The following F11R variants were observed in gnomAD, a reference collection of about 807,000 sequenced individuals.
F11R encodes the protein F11 receptor.
In F11R, 27 loss-of-function variants were observed where a neutral mutation model predicts 39.3. That is an observed-to-expected ratio of 0.69 (90% CI 0.51 to 0.95). The LOEUF is 0.95. F11R is among the 40% of genes least tolerant of loss of function. The pLI, the probability that F11R is intolerant of heterozygous loss-of-function variation, is 0.00. For missense variants in F11R, 335 were observed against 372.7 expected (o/e 0.90, Z 0.83); for synonymous variants, 131 against 144.9 (o/e 0.90, Z 0.69).
rs1039225250 is a variant in F11R at position 161,005,890 on chromosome 1, G to A, written c.65-4537C>T. On this transcript the variant is annotated intron_variant, in intron 1 of 9. Transcript: ENST00000368026. ...GGCAGCTCAACAGCCTGTAATCCCA[G>A]CACTTTGGGAGGCTGAGGCGGGCAG... Among the ~76,000 whole-genome samples the A allele has an allele frequency of 2.0e-5, 3 of 152,150 alleles. No individual in the cohort carries two copies. In the South Asian group the frequency reaches 6.2e-4, roughly 32 times the overall value.
chr1:160,999,505 TG>T lies in F11R; in HGVS notation c.803-98del. On this transcript the variant is annotated intron_variant, in intron 7 of 9. Transcript: ENST00000368026. ...CAGGCCCCCAGCTCTTGGTGTTAGA[TG>T]GGTGATCAGTGTTCCCCAGGGGACA... 3 of 1,574,314 alleles carry T rather than the reference TG, an allele frequency of 1.9e-6. No homozygotes were observed. The East Asian group carries it at 6.7e-5, about 35-fold the overall frequency.
chr1:161,002,940 T>C (rs1015439188), intron 1 of F11R, among the ~76,000 whole-genome samples: 20 of 148,794 alleles, frequency 1.3e-4, no homozygotes, highest in African/African-American at 4.5e-4. Flanking sequence ...TCTCTTATTA[T>C]ACTCTCTATT....
chr1:160,999,481 A>T, intron 7 of F11R, 73 bp from the exon 8 acceptor site: 1 of 1,602,684 alleles, frequency 6.2e-7, no homozygotes, highest in Non-Finnish European at 8.5e-7. Context: ...ATGGAGGGGC[A>T]GGCCCCCAGC....
intron 1 of F11R, among the ~76,000 whole-genome samples, chr1:161,011,446 T>C (rs918154239): frequency 2.0e-5 from 3 of 152,096 alleles, no homozygotes; most frequent in Non-Finnish European, 4.4e-5. Flanking sequence ...GAAAGGACCT[T>C]AAAGTATATT....
At chr1:161,001,226 A>C in intron 2 of F11R, 59 bp downstream of exon 2, 1 of 1,600,030 alleles carries the variant, frequency 6.2e-7, no homozygotes, top group Non-Finnish European at 8.6e-7. Context: ...TGCTCTCTAG[A>C]TCCCCAGGCG....
chr1:161,000,469 G>A, intron 4 of F11R, 121 bp from the exon 5 acceptor site: 1 of 1,393,914 alleles, frequency 7.2e-7, no homozygotes, highest in South Asian at 1.3e-5. Flanking sequence ...CCATGCCCCT[G>A]GCTGCCACCT....
rs541141921 is a variant in F11R at position 161,017,682 on chromosome 1, G to A, written c.64+3328C>T. Among the ~76,000 whole-genome samples, 125 of 152,282 alleles carry A rather than the reference G, an allele frequency of 8.2e-4. No homozygotes were observed. In the South Asian group the frequency reaches 0.019, roughly 23 times the overall value. Reference sequence around the variant, plus strand: ...TGGCGGGATCCTCCATGTGCTGAACGCTGGTTCCCCGGGTCTCCTTATTTC... The same window carrying A: ...TGGCGGGATCCTCCATGTGCTGAACACTGGTTCCCCGGGTCTCCTTATTTC... On this transcript the variant is annotated intron_variant, in intron 1 of 9. Coordinates refer to ENST00000368026, the MANE Select transcript of F11R (RefSeq NM_016946.6).
intron 1 of F11R, among the ~76,000 whole-genome samples, chr1:161,020,139 G>A (rs552558006): frequency 2.0e-4 from 31 of 152,190 alleles, no homozygotes; most frequent in Non-Finnish European, 4.0e-4. Context: ...CCGACTAAAC[G>A]CTCAGCCCCA....
rs1477285597 is a variant in F11R at position 161,021,067 on chromosome 1, T to A, written c.7A>T (p.Thr3Ser). 1.2e-6 allele frequency: 2 copies of A among 1,613,398 alleles called. No homozygotes were observed. Among genetic ancestry groups the A allele is most frequent in the African/African-American group, 2.7e-5 (2 of 74,834 alleles). The change falls in exon 1 of 10, where the codon ACA becomes TCA. Residue 3 changes from threonine (T) to serine (S), a missense_variant. Thr to Ser is a moderately conservative substitution (Grantham distance 58, BLOSUM62 1). Coordinates refer to ENST00000368026, the MANE Select transcript of F11R (RefSeq NM_016946.6). MGTKAQVERKLLC... is the reference protein window; with the variant it reads MGSKAQVERKLLC... ...AGTTTCCTCTCGACTTGCGCCTTTG[T>A]CCCCATCGCGATCAGGCTCCCGACA... is the stretch of plus-strand genomic sequence containing the variant.
intron 1 of F11R, among the ~76,000 whole-genome samples, chr1:161,011,093 C>T (rs1571018054): frequency 6.6e-6 from 1 of 151,406 alleles, no homozygotes; most frequent in Non-Finnish European, 1.5e-5. Flanking sequence ...AGTGCAGTGG[C>T]GCGATTGTGG....
chr1:161,020,917 C>T, intron 1 of F11R, 93 bp downstream of exon 1: 2 of 1,116,468 alleles, frequency 1.8e-6, no homozygotes, highest in Non-Finnish European at 1.4e-6. Flanking sequence ...GGTTTCTGAG[C>T]TCCTCCCCTC....
At chr1:161,013,970 A>T (rs1649306606) in intron 1 of F11R, among the ~76,000 whole-genome samples, 3 of 152,210 alleles carry the variant, frequency 2.0e-5, no homozygotes, top group Admixed American at 2.0e-4. Context: ...GAAACAAATG[A>T]CGCAGCCGGA....
rs1648261599 is a variant in F11R, at chr1:160,998,548, T to C, written c.*323A>G. ...AGGTGGGCAGTTGAGTGCAGATTCCTGCGACCCCCGCCATTTTTGCTGTCT... is the reference window on the plus strand; with the variant it reads ...AGGTGGGCAGTTGAGTGCAGATTCCCGCGACCCCCGCCATTTTTGCTGTCT... On this transcript the variant is annotated 3_prime_UTR_variant, in exon 10 of 10. Coordinates refer to ENST00000368026, the MANE Select transcript of F11R (RefSeq NM_016946.6). 1 of 517,496 alleles carries C rather than the reference T, an allele frequency of 1.9e-6. No homozygotes were observed. Among genetic ancestry groups the C allele is most frequent in the African/African-American group, 1.9e-5 (1 of 52,430 alleles). 32.1% of individuals were successfully genotyped at this position (517,496 alleles called of 1,614,324 possible).
chr1:161,011,985 A>G (rs1649185326), intron 1 of F11R, among the ~76,000 whole-genome samples: 1 of 152,118 alleles, frequency 6.6e-6, no homozygotes, highest in Non-Finnish European at 1.5e-5. Flanking sequence ...AACATTTTGT[A>G]CTTTGTTGAC....
Position 160,998,875 on chromosome 1 carries a change from A to T in F11R, c.896T>A (p.Val299Glu). 1 of 1,614,200 alleles carries T rather than the reference A, an allele frequency of 6.2e-7. No homozygotes were observed. Among genetic ancestry groups the T allele is most frequent in the Non-Finnish European group, 8.5e-7 (1 of 1,179,996 alleles). Residue 299 changes from valine (V) to glutamate (E), a missense_variant, in exon 10 of 10, where the codon GTG (valine) becomes GAG (glutamate). By Grantham distance (121) the Val-to-Glu change is moderately radical. Coordinates refer to ENST00000368026, the MANE Select transcript of F11R (RefSeq NM_016946.6). ...TAGGCGGTGAGCCGACCAGGCTCACACCAGGAATGACGAGGTCTGTTTGAA... is the reference window on the plus strand; with the variant it reads ...TAGGCGGTGAGCCGACCAGGCTCACTCCAGGAATGACGAGGTCTGTTTGAA... ...GEFKQTSSFL[V>E]
chr1:161,020,017 G>A (rs1256038161), intron 1 of F11R, among the ~76,000 whole-genome samples: 2 of 152,066 alleles, frequency 1.3e-5, no homozygotes, highest in Non-Finnish European at 2.9e-5. Flanking sequence ...TGGGGGTGGG[G>A]GGAGACTCAT....
chr1:160,999,172 G>T, intron 8 of F11R, 81 bp from the exon 9 acceptor site: 2 of 1,588,666 alleles, frequency 1.3e-6, no homozygotes, highest in Non-Finnish European at 1.7e-6. Flanking sequence ...AAGGCCAGAA[G>T]CGAGAATGCT....
At chr1:161,005,513 A>G (rs1648752645) in intron 1 of F11R, among the ~76,000 whole-genome samples, 3 of 152,058 alleles carry the variant, frequency 2.0e-5, no homozygotes, top group African/African-American at 2.4e-5. Context: ...CTGGGATTAC[A>G]AGCACGAGCC....
intron 1 of F11R, among the ~76,000 whole-genome samples, chr1:161,020,603 CAG>C (rs1649704939): frequency 6.6e-6 from 1 of 152,248 alleles, no homozygotes; most frequent in Admixed American, 6.5e-5. Flanking sequence ...CCCGGCTGCG[CAG>C]CGGGGTTCGT....
Sources: allele counts gnomAD v4.1 joint callset (sites outside exome capture counted in the v4.1 genomes callset), GRCh38; gene constraint gnomAD v4.1.1; transcripts MANE v1.5; gene names NCBI Gene and HGNC (gene_info 2026-07-23, HGNC 2026-07-21).